TAF3: variants seen among roughly 807,000 people sequenced by gnomAD.
TAF3 encodes TATA-box binding protein associated factor 3.
In TAF3, 7 loss-of-function variants were observed where a neutral mutation model predicts 80.6. The ratio of observed to expected loss-of-function variants is 0.09; its 90% CI spans 0.05 to 0.16. The LOEUF (loss-of-function observed/expected upper bound fraction) is 0.16, where lower values mean the gene tolerates loss of function less well. TAF3 is among the 10% of genes least tolerant of loss of function. The pLI, the probability that TAF3 is intolerant of heterozygous loss-of-function variation, is 1.00. For missense variants in TAF3, 921 were observed against 1,140.2 expected, an observed-to-expected ratio of 0.81 and a Z score of 2.77; for synonymous variants, 444 against 446.1, an observed-to-expected ratio of 1.00 and a Z score of 0.06.
intron 2 of TAF3, among the ~76,000 whole-genome samples, chr10:7,826,020 T>C (rs758272617): frequency 1.1e-4 from 16 of 152,264 alleles, no homozygotes; most frequent in Non-Finnish European, 2.1e-4. Context: ...GGTTCTACTT[T>C]AATAGCATTT....
intron 2 of TAF3, among the ~76,000 whole-genome samples, chr10:7,898,694 A>G (rs555218595): frequency 6.6e-6 from 1 of 152,308 alleles, no homozygotes; most frequent in South Asian, 2.1e-4. Context: ...GTGCAAAAGC[A>G]GAAAGAAAGA....
At chr10:7,988,461 A>G (rs111712029) in intron 4 of TAF3, among the ~76,000 whole-genome samples, 4,342 of 150,078 alleles carry the variant, frequency 0.029, 227 homozygotes, top group African/African-American at 0.1. Context: ...TATCCCAGCT[A>G]CTCAGGAGGT....
chr10:7,899,659 A>G (rs1837539982), intron 2 of TAF3, among the ~76,000 whole-genome samples: 1 of 152,248 alleles, frequency 6.6e-6, no homozygotes, highest in Admixed American at 6.5e-5. Flanking sequence ...GGAAGAAATC[A>G]GAGGAAAAGC....
intron 2 of TAF3, among the ~76,000 whole-genome samples, chr10:7,855,422 A>C (rs1837068794): frequency 6.6e-6 from 1 of 152,210 alleles, no homozygotes; most frequent in South Asian, 2.1e-4. Flanking sequence ...AATTCATGGA[A>C]TGTGAATACA....
At chr10:7,842,590 A>G (rs989974050) in intron 2 of TAF3, among the ~76,000 whole-genome samples, 2 of 152,130 alleles carry the variant, frequency 1.3e-5, no homozygotes, top group African/African-American at 4.8e-5. Flanking sequence ...ATATATATAT[A>G]TTTGTCCGAT....
chr10:7,826,543 AAAAG>A (rs1313069209), intron 2 of TAF3, among the ~76,000 whole-genome samples: 1 of 152,194 alleles, frequency 6.6e-6, no homozygotes, highest in East Asian at 1.9e-4. Context: ...TTGAAGCAAA[AAAAG>A]AAACTCATTT....
chr10:7,907,052 C>T (rs111260517), intron 2 of TAF3, among the ~76,000 whole-genome samples: 15 of 152,186 alleles, frequency 9.9e-5, no homozygotes, highest in Non-Finnish European at 1.8e-4. Flanking sequence ...GGACAGTGTT[C>T]GTAGGGCCAC....
chr10:7,836,699 C>T (rs989886235), intron 2 of TAF3, among the ~76,000 whole-genome samples: 3 of 152,262 alleles, frequency 2.0e-5, no homozygotes, highest in African/African-American at 4.8e-5. Context: ...CATTCTCCTT[C>T]ATTCCCTATC....
In TAF3 at chr10:7,965,142, G is replaced by A. The variant is rs755131100; in HGVS notation, c.1632G>A (p.Arg544=). 9 of 1,610,398 alleles carry A rather than the reference G, an allele frequency of 5.6e-6. No individual in the cohort carries two copies. In the African/African-American group the frequency reaches 1.1e-4, roughly 19 times the overall value. ...AAGAAAAGCAGAGAGATAGGGAGAG[G>A]GAAAAAGACAAGAACAAGGACAAAA... The part of the protein sequence containing the change: ...KKKEKQRDRE[R]EKDKNKDKSK... Residue 544 remains arginine, a synonymous_variant, in exon 3 of 7, where the codon AGG becomes AGA. Coordinates refer to ENST00000344293, the MANE Select transcript of TAF3 (RefSeq NM_031923.4).
At chr10:7,915,389 A>C (rs1837701061) in intron 2 of TAF3, among the ~76,000 whole-genome samples, 2 of 150,572 alleles carry the variant, frequency 1.3e-5, no homozygotes, top group African/African-American at 4.9e-5. Context: ...TCACGCCTGT[A>C]ATCCCAGCAC....
intron 2 of TAF3, among the ~76,000 whole-genome samples, chr10:7,928,309 A>C (rs180922361): frequency 6.6e-6 from 1 of 152,332 alleles, no homozygotes; most frequent in Admixed American, 6.5e-5. Flanking sequence ...GGAAGTACTT[A>C]AGTATTTTTT....
At chr10:7,874,563 CT>C (rs2131148768) in intron 2 of TAF3, among the ~76,000 whole-genome samples, 1 of 151,682 alleles carries the variant, frequency 6.6e-6, no homozygotes. Flanking sequence ...TCTATAAGCT[CT>C]ATATATTTAA....
At chr10:7,920,098 TA>T (rs1333063111) in intron 2 of TAF3, among the ~76,000 whole-genome samples, 1 of 151,628 alleles carries the variant, frequency 6.6e-6, no homozygotes, top group East Asian at 1.9e-4. Flanking sequence ...AAAAATAAAA[TA>T]AAAATTAGCC....
intron 2 of TAF3, among the ~76,000 whole-genome samples, chr10:7,905,592 T>C (rs1837600781): frequency 6.6e-6 from 1 of 152,096 alleles, no homozygotes; most frequent in South Asian, 2.1e-4. Context: ...CTTTAAAAAC[T>C]TAAGCAGGGC....
intron 2 of TAF3, among the ~76,000 whole-genome samples, chr10:7,933,766 A>G (rs996876006): frequency 2.6e-5 from 4 of 152,236 alleles, no homozygotes; most frequent in African/African-American, 9.7e-5. Context: ...CCCATACAGA[A>G]AAAGAATGTA....
intron 2 of TAF3, among the ~76,000 whole-genome samples, chr10:7,892,870 TG>T (rs1837469378): frequency 6.6e-6 from 1 of 150,442 alleles, no homozygotes; most frequent in Non-Finnish European, 1.5e-5. Context: ...CAGGCTGGAG[TG>T]CAATGGCGTG....
At chr10:7,966,181 G>A (rs1221775371) in intron 3 of TAF3, among the ~76,000 whole-genome samples, 3 of 152,202 alleles carry the variant, frequency 2.0e-5, no homozygotes, top group African/African-American at 4.8e-5. Flanking sequence ...AGCAAGGCCC[G>A]TGGAAGGACC....
intron 2 of TAF3, among the ~76,000 whole-genome samples, chr10:7,904,779 G>A (rs1476935828): frequency 6.6e-6 from 1 of 152,008 alleles, no homozygotes; most frequent in East Asian, 1.9e-4. Context: ...GAAACTTGGG[G>A]TTTTTTCCAG....
intron 2 of TAF3, among the ~76,000 whole-genome samples, chr10:7,904,788 A>G (rs1158521078): frequency 1.3e-5 from 2 of 152,090 alleles, no homozygotes; most frequent in African/African-American, 2.4e-5. Context: ...GGTTTTTTCC[A>G]GATTCTCTGG....
Sources: allele counts gnomAD v4.1 joint callset (sites outside exome capture counted in the v4.1 genomes callset), GRCh38; gene constraint gnomAD v4.1.1; transcripts MANE v1.5; gene names NCBI Gene and HGNC (gene_info 2026-07-23, HGNC 2026-07-21).